Variants in ZNF341 observed in about 807,000 individuals in gnomAD.
ZNF341 encodes zinc finger protein 341.
Under a neutral mutation model 87.7 loss-of-function variants are expected in ZNF341, and 52 were observed. The ratio of observed to expected loss-of-function variants is 0.59; its 90% CI spans 0.47 to 0.75. ZNF341 has a LOEUF of 0.75. ZNF341 is among the 30% of genes least tolerant of loss of function. ZNF341 has a pLI of 0.00. For missense variants in ZNF341, 977 were observed against 1,145.9 expected (o/e 0.85, Z 2.13); for synonymous variants, 459 against 472.7 (o/e 0.97, Z 0.38).
At chr20:33,763,796 A>G (rs972386641) in intron 8 of ZNF341, among the ~76,000 whole-genome samples, 3 of 152,090 alleles carry the variant, frequency 2.0e-5, no homozygotes, top group Non-Finnish European at 1.5e-5. Flanking sequence ...TATCCCTGAT[A>G]TTGATTTAGT....
chr20:33,760,458 G>C (rs2122683506), intron 7 of ZNF341, among the ~76,000 whole-genome samples: 1 of 152,298 alleles, frequency 6.6e-6, no homozygotes, highest in South Asian at 2.1e-4. Context: ...GGTAGCTACT[G>C]ACTATACATG....
chr20:33,777,961 G>T (rs925444107), intron 10 of ZNF341, among the ~76,000 whole-genome samples: 1 of 152,084 alleles, frequency 6.6e-6, no homozygotes, highest in Non-Finnish European at 1.5e-5. Context: ...TTAAATTCAG[G>T]TCATGCACTT....
chr20:33,753,549 C>G, intron 5 of ZNF341, 126 bp downstream of exon 5: 7 of 1,306,534 alleles, frequency 5.4e-6, no homozygotes, highest in Non-Finnish European at 7.1e-6. Flanking sequence ...CAGACCCGGT[C>G]CTGGCCTTCA....
chr20:33,747,563 C>G (rs1399500753), intron 3 of ZNF341, among the ~76,000 whole-genome samples: 1 of 113,808 alleles, frequency 8.8e-6, no homozygotes, highest in African/African-American at 4.7e-5. Flanking sequence ...TGCAGTGAGC[C>G]GAGGTCCCGC....
chr20:33,770,915 T>C (rs1325236174), intron 10 of ZNF341, among the ~76,000 whole-genome samples: 1 of 151,992 alleles, frequency 6.6e-6, no homozygotes, highest in Non-Finnish European at 1.5e-5. Context: ...GGTCAGGAGA[T>C]GGAGACCATC....
At chr20:33,757,736 A>C (rs1031109571) in intron 6 of ZNF341, among the ~76,000 whole-genome samples, 6 of 152,192 alleles carry the variant, frequency 3.9e-5, no homozygotes, top group African/African-American at 1.4e-4. Context: ...CAGCTTCTAG[A>C]AGTTCTGTTT....
rs554279687 is a variant in ZNF341, at chr20:33,765,380, A to T, written c.1223-1471A>T. ...TTGTGAACTCCTTTTTTTTTTCTTT[A>T]AAAAAAATTTTCTTTTGAGACAAGA... On this transcript the variant is annotated intron_variant, in intron 8 of 14. Coordinates refer to ENST00000375200, the MANE Select transcript of ZNF341 (RefSeq NM_001282933.2). Among the ~76,000 whole-genome samples the T allele has an allele frequency of 2.8e-4, 42 of 147,850 alleles. 4 individuals are homozygous for T. The South Asian group carries it at 7.2e-3, about 25-fold the overall frequency.
At chr20:33,780,030 A>G (rs2019709734) in intron 10 of ZNF341, among the ~76,000 whole-genome samples, 1 of 152,194 alleles carries the variant, frequency 6.6e-6, no homozygotes, top group Non-Finnish European at 1.5e-5. Flanking sequence ...GTAAGAAGAA[A>G]ATAAAACTGA....
At chr20:33,737,865 C>T (rs1025595306) in intron 1 of ZNF341, among the ~76,000 whole-genome samples, 14 of 151,966 alleles carry the variant, frequency 9.2e-5, no homozygotes, top group African/African-American at 2.4e-4. Context: ...GGGCCAGGTG[C>T]GGTGGCTCAC....
At chr20:33,789,078 C>CT (rs397692441) in intron 13 of ZNF341, 104 bp downstream of exon 13, 57,677 of 590,398 alleles carry the variant, frequency 0.098, 7 homozygotes, top group South Asian at 0.13. Flanking sequence ...CAGGCCTCTC[C>CT]TTTTTTTTTT....
chr20:33,748,269 A>G (rs2018977091), intron 3 of ZNF341, among the ~76,000 whole-genome samples: 2 of 151,430 alleles, frequency 1.3e-5, no homozygotes, highest in Non-Finnish European at 2.9e-5. Context: ...ATGGGGTTTC[A>G]CCACGTTGGC....
intron 3 of ZNF341, among the ~76,000 whole-genome samples, chr20:33,745,730 G>T (rs561055888): frequency 3.3e-5 from 5 of 152,120 alleles, no homozygotes; most frequent in African/African-American, 1.2e-4. Context: ...GTGTGGGAAT[G>T]AGTTATGCGG....
In ZNF341 at chr20:33,791,380, G is replaced by T; in HGVS notation, c.2428G>T (p.Gly810Cys). 2 of 1,612,732 alleles carry T rather than the reference G, an allele frequency of 1.2e-6. No homozygotes were observed. The highest frequency in any genetic ancestry group is 1.7e-6 in the Non-Finnish European group (2 of 1,179,732). The change falls in exon 15 of 15, where the codon GGC (glycine) becomes TGC (cysteine). Residue 810 changes from glycine to cysteine, a missense_variant. Physicochemically the swap from Gly to Cys is radical, Grantham distance 159 (BLOSUM62 -3). Coordinates refer to ENST00000375200, the MANE Select transcript of ZNF341 (RefSeq NM_001282933.2). ...GTCCATCGTTGTGGGTGGTGCGGTG[G>T]GCGCGGAAACTGAGCTGGTGGTACC... ...VLSIVVGGAV[G>C]AETELVVPGH...
chr20:33,778,372 T>A (rs2019668843), intron 10 of ZNF341, among the ~76,000 whole-genome samples: 2 of 152,116 alleles, frequency 1.3e-5, no homozygotes, highest in African/African-American at 2.4e-5. Flanking sequence ...TGCAGTGGCA[T>A]GATCTTGGCT....
chr20:33,755,333 T>C (rs1467878822), intron 5 of ZNF341, among the ~76,000 whole-genome samples: 1 of 152,016 alleles, frequency 6.6e-6, no homozygotes, highest in Non-Finnish European at 1.5e-5. Context: ...GGATGTTTTT[T>C]CTTTTCTAAA....
At chr20:33,757,992 G>T (rs1329711259) in intron 6 of ZNF341, among the ~76,000 whole-genome samples, 1 of 152,034 alleles carries the variant, frequency 6.6e-6, no homozygotes, top group Non-Finnish European at 1.5e-5. Context: ...TAGAAATTGA[G>T]AATTTTTCAG....
At chr20:33,789,906 A>G (rs2019962212) in intron 14 of ZNF341, among the ~76,000 whole-genome samples, 1 of 152,074 alleles carries the variant, frequency 6.6e-6, no homozygotes, top group Non-Finnish European at 1.5e-5. Context: ...AGCCAGGTCC[A>G]AGACATGGCC....
intron 2 of ZNF341, among the ~76,000 whole-genome samples, chr20:33,742,416 C>T (rs867883515): frequency 1.1e-4 from 17 of 152,096 alleles, no homozygotes; most frequent in Non-Finnish European, 2.2e-4. Flanking sequence ...AGGCTGGTCT[C>T]AAACCCCCTG....
intron 8 of ZNF341, 93 bp from the exon 9 acceptor site, chr20:33,766,758 C>T (rs1261305840): frequency 6.6e-6 from 9 of 1,366,072 alleles, no homozygotes; most frequent in African/African-American, 1.4e-5. Context: ...TAGCAGGTGC[C>T]GGGTGAACAC....
Sources: gnomAD v4.1 joint callset for allele counts (sites outside exome capture counted in the v4.1 genomes callset) on GRCh38, gnomAD v4.1.1 for gene constraint, MANE v1.5 for transcripts, NCBI Gene and HGNC (gene_info 2026-07-23, HGNC 2026-07-21) for gene names.